TANGO6: variants seen among roughly 807,000 people sequenced by gnomAD.
The protein encoded by TANGO6 is transport and Golgi organization protein 6 homolog.
TANGO6 carries 90 observed loss-of-function variants against 114.2 expected under a neutral mutation model. The observed-to-expected ratio is 0.79, with a 90% CI of 0.66 to 0.94. The LOEUF is 0.94. Among genes scored for constraint, TANGO6 ranks in the 40% least tolerant of loss-of-function variants. The probability of loss-of-function intolerance (pLI) is 0.00; values close to 1 mark genes in which losing one functional copy is unlikely to be tolerated. For missense variants in TANGO6, 1,274 were observed against 1,315.3 expected (o/e 0.97, Z 0.49); for synonymous variants, 477 against 509.8 (o/e 0.94, Z 0.87).
rs193254322 is a variant in TANGO6, at chr16:68,927,634, T to C, written c.2194T>C (p.Tyr732His). ...TCTGTTGGAGAAGGTATCCAACACATACCCTGATCCGGTCATCCAAGAACT... is the reference window on the plus strand; with the variant it reads ...TCTGTTGGAGAAGGTATCCAACACACACCCTGATCCGGTCATCCAAGAACT... ...LPLLEKVSNT[Y>H]PDPVIQELAV... Residue 732 changes from tyrosine to histidine, a missense_variant, in exon 13 of 18, where the codon TAC becomes CAC. Physicochemically the swap from Tyr to His is moderately conservative, Grantham distance 83. Coordinates refer to ENST00000261778, the MANE Select transcript of TANGO6 (RefSeq NM_024562.2). The C allele has an allele frequency of 6.8e-6, 11 of 1,614,004 alleles. No homozygotes were observed. Among genetic ancestry groups the C allele is most frequent in the Non-Finnish European group, 9.3e-6 (11 of 1,179,880 alleles).
At chr16:68,863,764 A>C (rs774869779) in intron 3 of TANGO6, among the ~76,000 whole-genome samples, 2 of 152,256 alleles carry the variant, frequency 1.3e-5, no homozygotes, top group Non-Finnish European at 2.9e-5. Flanking sequence ...ATGTATTTGA[A>C]GTCAAGAAAT....
chr16:68,960,956 A>C (rs772404677), intron 14 of TANGO6, among the ~76,000 whole-genome samples: 2 of 152,226 alleles, frequency 1.3e-5, no homozygotes, highest in African/African-American at 2.4e-5. Context: ...ATTTTCTTTC[A>C]TATGGCTTTT....
intron 14 of TANGO6, among the ~76,000 whole-genome samples, chr16:68,967,499 T>C (rs971073840): frequency 6.6e-6 from 1 of 152,222 alleles, no homozygotes; most frequent in Non-Finnish European, 1.5e-5. Flanking sequence ...AGAATGTTGT[T>C]ATCACCCCAG....
intron 14 of TANGO6, among the ~76,000 whole-genome samples, chr16:68,945,821 G>A (rs1476232836): frequency 6.6e-6 from 1 of 151,936 alleles, no homozygotes; most frequent in South Asian, 2.1e-4. Context: ...GAGTAGCTGC[G>A]ATTACAGATG....
At chr16:69,083,343 G>A in intron 17 of TANGO6, 142 bp from the exon 18 acceptor site, 3 of 1,074,096 alleles carry the variant, frequency 2.8e-6, no homozygotes, top group South Asian at 3.7e-5. Flanking sequence ...ACAGGCATGA[G>A]CCACTGCACC....
At chr16:68,930,743 C>T (rs1268892221) in intron 14 of TANGO6, among the ~76,000 whole-genome samples, 1 of 149,418 alleles carries the variant, frequency 6.7e-6, no homozygotes, top group Non-Finnish European at 1.5e-5. Context: ...TCAAGTGATT[C>T]TCCTGCCTCA....
At chr16:69,044,346 CTT>C (rs1959817785) in intron 17 of TANGO6, among the ~76,000 whole-genome samples, 1 of 152,074 alleles carries the variant, frequency 6.6e-6, no homozygotes, top group South Asian at 2.1e-4. Flanking sequence ...TATTGAAAAA[CTT>C]ATTTTTGCCG....
intron 14 of TANGO6, among the ~76,000 whole-genome samples, chr16:68,932,604 G>T (rs1376437252): frequency 2.0e-5 from 3 of 152,032 alleles, no homozygotes; most frequent in Non-Finnish European, 4.4e-5. Flanking sequence ...GGCCAACATG[G>T]TGAAACCTGA....
rs775187550 is a variant in TANGO6, at chr16:68,974,074, C to T, written c.2748C>T (p.Asp916=). 1.6e-4 allele frequency: 265 copies of T among 1,613,348 alleles called. No homozygotes were observed. The highest frequency in any genetic ancestry group is 2.0e-4 in the Non-Finnish European group (241 of 1,179,730). The change falls in exon 15 of 18, where the codon GAC becomes GAT. Residue 916 remains aspartate (D), a synonymous_variant. Transcript: ENST00000261778. ...TCTATCCTGAGAAAATCTTGCCGGA[C>T]TTGTTGGCTCAATATGACAGCAGCA... The part of the protein sequence containing the change: ...SDVYPEKILP[D]LLAQYDSSKD...
chr16:69,044,125 C>A (rs1959814144), intron 17 of TANGO6, among the ~76,000 whole-genome samples: 1 of 152,178 alleles, frequency 6.6e-6, no homozygotes, highest in Admixed American at 6.5e-5. Flanking sequence ...AGTGCAGTGG[C>A]ATGATCTCGG....
At chr16:68,930,332 G>C in intron 14 of TANGO6, 37 bp downstream of exon 14, 1 of 1,495,328 alleles carries the variant, frequency 6.7e-7, no homozygotes, top group Non-Finnish European at 9.1e-7. Context: ...TAAGTATGTG[G>C]ACCAGAGACT....
chr16:69,075,865 C>A (rs1169305488), intron 17 of TANGO6, among the ~76,000 whole-genome samples: 1 of 147,808 alleles, frequency 6.8e-6, no homozygotes, highest in Non-Finnish European at 1.5e-5. Context: ...CTCCCGGGTT[C>A]AAGCGATTCC....
At chr16:68,976,225 C>T (rs1963764651) in intron 15 of TANGO6, among the ~76,000 whole-genome samples, 1 of 152,184 alleles carries the variant, frequency 6.6e-6, no homozygotes, top group Non-Finnish European at 1.5e-5. Flanking sequence ...TGAGCCGCTG[C>T]ACCCAGCCAG....
intron 17 of TANGO6, among the ~76,000 whole-genome samples, chr16:69,068,600 TG>T (rs1960251925): frequency 6.6e-6 from 1 of 152,236 alleles, no homozygotes; most frequent in Non-Finnish European, 1.5e-5. Context: ...GCCTCAGTGA[TG>T]TAAGAGTTAC....
intron 7 of TANGO6, among the ~76,000 whole-genome samples, chr16:68,882,491 C>T (rs186140400): frequency 3.3e-4 from 49 of 148,274 alleles, no homozygotes; most frequent in African/African-American, 6.9e-4. Context: ...AGCGAGACTC[C>T]GTCTCAAAAA....
chr16:68,915,753 A>T (rs1194340060), intron 11 of TANGO6, among the ~76,000 whole-genome samples: 1 of 152,240 alleles, frequency 6.6e-6, no homozygotes, highest in Non-Finnish European at 1.5e-5. Context: ...AACTTTTAAT[A>T]ACCTTTCTAG....
intron 15 of TANGO6, among the ~76,000 whole-genome samples, chr16:68,984,507 CTTATA>C (rs140226764): frequency 0.017 from 2,596 of 151,606 alleles, 87 homozygotes; most frequent in African/African-American, 0.059. Context: ...ATACTTCCTA[CTTATA>C]TTAGACAGTT....
At chr16:69,074,721 T>C (rs1960345750) in intron 17 of TANGO6, among the ~76,000 whole-genome samples, 1 of 152,032 alleles carries the variant, frequency 6.6e-6, no homozygotes, top group Non-Finnish European at 1.5e-5. Flanking sequence ...TACCTAACTT[T>C]CTGGGAATGC....
intron 7 of TANGO6, among the ~76,000 whole-genome samples, chr16:68,885,156 A>T (rs1361354893): frequency 6.6e-6 from 1 of 152,204 alleles, no homozygotes; most frequent in Non-Finnish European, 1.5e-5. Flanking sequence ...AATATCGGGG[A>T]TGGGTAAATT....
Sources: allele counts gnomAD v4.1 joint callset (sites outside exome capture counted in the v4.1 genomes callset), GRCh38; gene constraint gnomAD v4.1.1; transcripts MANE v1.5; gene names NCBI Gene and HGNC (gene_info 2026-07-23, HGNC 2026-07-21).